The following TMTC2 variants were observed in gnomAD, a reference collection of about 807,000 sequenced individuals.
TMTC2 encodes transmembrane O-mannosyltransferase targeting cadherins 2.
TMTC2 carries 43 observed loss-of-function variants against 82.4 expected under a neutral mutation model. That is an observed-to-expected ratio of 0.52 (90% confidence interval 0.41 to 0.67). The LOEUF is 0.67. TMTC2 is among the 30% of genes least tolerant of loss of function. TMTC2 has a pLI of 0.00. For missense variants in TMTC2, 919 were observed against 1,012.4 expected, an observed-to-expected ratio of 0.91 and a Z score of 1.25; for synonymous variants, 408 against 381.9, an observed-to-expected ratio of 1.07 and a Z score of -0.80.
At chr12:82,968,047 G>T (rs1878294972) in intron 7 of TMTC2, among the ~76,000 whole-genome samples, 1 of 152,044 alleles carries the variant, frequency 6.6e-6, no homozygotes, top group African/African-American at 2.4e-5. Context: ...ACAAAGGACA[G>T]AACATTTAGA....
chr12:83,109,713 T>A (rs919767746), intron 11 of TMTC2, among the ~76,000 whole-genome samples: 1 of 152,230 alleles, frequency 6.6e-6, no homozygotes, highest in African/African-American at 2.4e-5. Context: ...GGTCCATCAT[T>A]ATAATTGCTC....
At chr12:82,730,178 C>T (rs1874710981) in intron 1 of TMTC2, among the ~76,000 whole-genome samples, 1 of 151,598 alleles carries the variant, frequency 6.6e-6, no homozygotes, top group Non-Finnish European at 1.5e-5. Context: ...GCCTGGAGTC[C>T]CAGCTATTCA....
intron 1 of TMTC2, among the ~76,000 whole-genome samples, chr12:82,775,209 G>C (rs1270451718): frequency 3.9e-5 from 6 of 152,046 alleles, no homozygotes; most frequent in Non-Finnish European, 8.8e-5. Flanking sequence ...CCTGCACTTG[G>C]AGACCGAGGC....
chr12:83,047,343 C>A (rs948817657), intron 9 of TMTC2, among the ~76,000 whole-genome samples: 1 of 152,142 alleles, frequency 6.6e-6, no homozygotes, highest in Admixed American at 6.6e-5. Context: ...ACCTACTATT[C>A]TTTGTTTCCC....
At chr12:83,095,544 T>G (rs1020954980) in intron 11 of TMTC2, among the ~76,000 whole-genome samples, 1 of 152,226 alleles carries the variant, frequency 6.6e-6, no homozygotes, top group Non-Finnish European at 1.5e-5. Flanking sequence ...AATTTTATGT[T>G]TTTTGGCCTG....
chr12:82,763,362 A>G (rs1283951051), intron 1 of TMTC2, among the ~76,000 whole-genome samples: 1 of 152,182 alleles, frequency 6.6e-6, no homozygotes, highest in Non-Finnish European at 1.5e-5. Context: ...CCTGTACTGA[A>G]AGGTCACTTA....
Position 83,056,453 on chromosome 12 carries a change from C to A in TMTC2, c.2268-5315C>A, listed in dbSNP as rs528948085. Among the ~76,000 whole-genome samples, 32 of 151,732 alleles carry A rather than the reference C, an allele frequency of 2.1e-4. 1 individual carries two copies. The highest frequency in any genetic ancestry group is 7.5e-4 in the African/African-American group (31 of 41,396). On this transcript the variant is annotated intron_variant, in intron 10 of 11. Transcript: ENST00000321196. ...ATCATTATCTTTTAATTTTTATATT[C>A]AAATCACAGAATATTATGTAATCAA...
chr12:82,960,327 C>T (rs1184689419), intron 4 of TMTC2, among the ~76,000 whole-genome samples: 4 of 152,030 alleles, frequency 2.6e-5, no homozygotes, highest in Non-Finnish European at 5.9e-5. Flanking sequence ...GACACATGCA[C>T]TCACATGTTC....
chr12:83,007,765 T>C (rs1416484474), intron 8 of TMTC2, among the ~76,000 whole-genome samples: 2 of 152,200 alleles, frequency 1.3e-5, no homozygotes, highest in Non-Finnish European at 2.9e-5. Flanking sequence ...TGATATCATT[T>C]TCCTTCTGCC....
At chr12:82,893,216 G>A (rs1386611555) in intron 2 of TMTC2, among the ~76,000 whole-genome samples, 9 of 151,616 alleles carry the variant, frequency 5.9e-5, no homozygotes, top group Admixed American at 3.3e-4. Flanking sequence ...CTAAAAATAC[G>A]AAAAATTAGC....
At chr12:82,902,704 A>G (rs966600179) in intron 3 of TMTC2, among the ~76,000 whole-genome samples, 1 of 152,064 alleles carries the variant, frequency 6.6e-6, no homozygotes, top group Non-Finnish European at 1.5e-5. Flanking sequence ...GAAGGCACAT[A>G]ACAGTGGCGG....
chr12:83,070,296 T>G (rs2137486550), intron 11 of TMTC2, among the ~76,000 whole-genome samples: 1 of 152,334 alleles, frequency 6.6e-6, no homozygotes, highest in Middle Eastern at 3.4e-3. Flanking sequence ...ATTTTCACAA[T>G]ATTGATTCTA....
chr12:83,018,610 C>G (rs1880780130), intron 8 of TMTC2, among the ~76,000 whole-genome samples: 1 of 151,574 alleles, frequency 6.6e-6, no homozygotes, highest in African/African-American at 2.4e-5. Context: ...ACCAGTTTTT[C>G]ATGAACTTTT....
At chr12:82,753,381 C>A (rs182459876) in intron 1 of TMTC2, among the ~76,000 whole-genome samples, 2 of 146,912 alleles carry the variant, frequency 1.4e-5, no homozygotes, top group Admixed American at 1.4e-4. Context: ...AAGAGACTGA[C>A]CATGTGTAAA....
chr12:82,956,407 AC>A (rs1168407237), intron 4 of TMTC2, among the ~76,000 whole-genome samples: 1 of 152,120 alleles, frequency 6.6e-6, no homozygotes, highest in Non-Finnish European at 1.5e-5. Context: ...CAGACAGAAA[AC>A]AAAAAAGAGC....
At chr12:82,827,293 A>G (rs994843186) in intron 1 of TMTC2, among the ~76,000 whole-genome samples, 1 of 152,178 alleles carries the variant, frequency 6.6e-6, no homozygotes, top group African/African-American at 2.4e-5. Flanking sequence ...TAAGTGGAAC[A>G]AGAGAAAAGT....
chr12:83,051,150 T>A, intron 10 of TMTC2, 132 bp downstream of exon 10: 1 of 618,172 alleles, frequency 1.6e-6, no homozygotes, highest in Non-Finnish European at 2.7e-6. Context: ...ATGTAAAAAA[T>A]TAGAAATATT....
chr12:82,688,001 T>G (rs1030169589), intron 1 of TMTC2, among the ~76,000 whole-genome samples: 1 of 152,194 alleles, frequency 6.6e-6, no homozygotes. Flanking sequence ...TATTCCTTGA[T>G]GCAACAAAGC....
At chr12:82,736,158 G>A (rs1214358886) in intron 1 of TMTC2, among the ~76,000 whole-genome samples, 3 of 152,138 alleles carry the variant, frequency 2.0e-5, no homozygotes, top group Admixed American at 2.0e-4. Context: ...TAAATAAACA[G>A]TACAGAAAAT....
Sources: gnomAD v4.1 joint callset for allele counts (sites outside exome capture counted in the v4.1 genomes callset) on GRCh38, gnomAD v4.1.1 for gene constraint, MANE v1.5 for transcripts, NCBI Gene and HGNC (gene_info 2026-07-23, HGNC 2026-07-21) for gene names.